Variants in LRRC4C observed in about 807,000 individuals in gnomAD.
The protein encoded by LRRC4C is leucine-rich repeat-containing protein 4C.
In LRRC4C, 5 loss-of-function variants were observed where a neutral mutation model predicts 33.6. That is an observed-to-expected ratio of 0.15 (90% CI 0.08 to 0.31). The LOEUF (loss-of-function observed/expected upper bound fraction) is 0.31. Among genes scored for constraint, LRRC4C ranks in the 10% least tolerant of loss-of-function variants. The pLI is 1.00. For synonymous variants in LRRC4C, 329 were observed against 302.0 expected, an observed-to-expected ratio of 1.09 and a Z score of -0.93; for missense variants, 560 against 796.7, an observed-to-expected ratio of 0.70 and a Z score of 3.58.
intron 5 of LRRC4C, among the ~76,000 whole-genome samples, chr11:40,210,333 C>T (rs1334520890): frequency 6.6e-6 from 1 of 152,024 alleles, no homozygotes; most frequent in Non-Finnish European, 1.5e-5. Flanking sequence ...GCTTTCTGGG[C>T]TTGTCTCAAA....
In LRRC4C at chr11:41,155,935, T is replaced by A. The variant is rs540833528; in HGVS notation, c.-495-222212A>T. 3.9e-5 allele frequency among the ~76,000 whole-genome samples: 6 copies of A among 152,212 alleles called. No homozygotes were observed. The East Asian group carries it at 1.2e-3, about 29-fold the overall frequency. On this transcript the variant is annotated intron_variant, in intron 1 of 6. Transcript: ENST00000528697. Reference sequence around the variant, plus strand: ...GAATAAGGCACCATAAATCTGGAATTAAACAAAGCCATCTTCCACGTGATG... The same window carrying A: ...GAATAAGGCACCATAAATCTGGAATAAAACAAAGCCATCTTCCACGTGATG...
chr11:41,231,035 A>G (rs12272378), intron 1 of LRRC4C, among the ~76,000 whole-genome samples: 5,427 of 152,288 alleles, frequency 0.036, 140 homozygotes, highest in African/African-American at 0.063. Context: ...GCTGGCCATC[A>G]GAGAAATGCA....
At chr11:41,383,458 T>C (rs1375798081) in intron 1 of LRRC4C, among the ~76,000 whole-genome samples, 1 of 152,084 alleles carries the variant, frequency 6.6e-6, no homozygotes, top group Non-Finnish European at 1.5e-5. Flanking sequence ...AGAATTAAAA[T>C]ATTGTATGTA....
intron 5 of LRRC4C, among the ~76,000 whole-genome samples, chr11:40,187,061 C>T (rs919027430): frequency 4.6e-5 from 7 of 152,062 alleles, no homozygotes; most frequent in Admixed American, 6.5e-5. Context: ...GGAGCCGCGG[C>T]GACTGCCTGG....
At chr11:40,829,112 A>G (rs889862773) in intron 2 of LRRC4C, among the ~76,000 whole-genome samples, 19 of 152,002 alleles carry the variant, frequency 1.2e-4, no homozygotes, top group Non-Finnish European at 5.9e-5. Flanking sequence ...GGAAATGATT[A>G]TATCATCATA....
chr11:40,297,736 C>T (rs573129205), intron 4 of LRRC4C, among the ~76,000 whole-genome samples: 2 of 152,178 alleles, frequency 1.3e-5, no homozygotes, highest in Admixed American at 6.5e-5. Context: ...GAGTGCCAAG[C>T]CTGTCTCTAT....
At chr11:41,069,193 G>GTA (rs1938495451) in intron 1 of LRRC4C, among the ~76,000 whole-genome samples, 1 of 152,096 alleles carries the variant, frequency 6.6e-6, no homozygotes, top group Non-Finnish European at 1.5e-5. Flanking sequence ...AATAGAGACA[G>GTA]AAAAGGCCTT....
chr11:40,379,912 G>A (rs990805368), intron 3 of LRRC4C, among the ~76,000 whole-genome samples: 1 of 152,112 alleles, frequency 6.6e-6, no homozygotes, highest in African/African-American at 2.4e-5. Flanking sequence ...GAATCTCTGG[G>A]GGCAGAGCTG....
intron 3 of LRRC4C, among the ~76,000 whole-genome samples, chr11:40,404,631 G>C (rs1308418213): frequency 6.6e-6 from 1 of 151,854 alleles, no homozygotes; most frequent in East Asian, 1.9e-4. Context: ...CCTCCCATCT[G>C]GTAGCCCTGT....
intron 3 of LRRC4C, among the ~76,000 whole-genome samples, chr11:40,633,399 T>TCTTTCTTTC (rs1963682731): frequency 7.7e-5 from 5 of 64,634 alleles, no homozygotes; most frequent in Admixed American, 4.4e-4. Context: ...TTCTTTCTTT[T>TCTTTCTTTC]TTTTTTTTTG....
At chr11:40,235,724 C>T (rs1275745640) in intron 5 of LRRC4C, among the ~76,000 whole-genome samples, 5 of 152,128 alleles carry the variant, frequency 3.3e-5, no homozygotes, top group African/African-American at 1.2e-4. Flanking sequence ...TAGCTCTTTA[C>T]CAATTATCTT....
At chr11:41,236,157 C>A (rs982754020) in intron 1 of LRRC4C, among the ~76,000 whole-genome samples, 1 of 152,026 alleles carries the variant, frequency 6.6e-6, no homozygotes, top group African/African-American at 2.4e-5. Flanking sequence ...CTGAAACAGG[C>A]CAATTAGCGC....
At chr11:41,257,092 T>C (rs913148937) in intron 1 of LRRC4C, among the ~76,000 whole-genome samples, 2 of 151,936 alleles carry the variant, frequency 1.3e-5, no homozygotes, top group Non-Finnish European at 2.9e-5. Flanking sequence ...CCCATGAGTG[T>C]TCAGGGTTTG....
chr11:41,145,201 A>C (rs1943675235), intron 1 of LRRC4C, among the ~76,000 whole-genome samples: 2 of 152,178 alleles, frequency 1.3e-5, no homozygotes, highest in African/African-American at 4.8e-5. Flanking sequence ...AGATTTGCAC[A>C]AACTTATACA....
intron 1 of LRRC4C, among the ~76,000 whole-genome samples, chr11:40,945,343 C>T (rs546451330): frequency 4.6e-5 from 7 of 152,122 alleles, no homozygotes; most frequent in South Asian, 4.2e-4. Flanking sequence ...TTTCTTCTCT[C>T]CTGGCCAAAC....
At chr11:40,484,078 G>A (rs75131240) in intron 3 of LRRC4C, among the ~76,000 whole-genome samples, 2,961 of 152,148 alleles carry the variant, frequency 0.019, 40 homozygotes, top group South Asian at 0.034. Flanking sequence ...CAGCTGGAAA[G>A]GCTGGAGAGA....
intron 4 of LRRC4C, among the ~76,000 whole-genome samples, chr11:40,260,571 A>T (rs1867629756): frequency 6.6e-6 from 1 of 152,124 alleles, no homozygotes; most frequent in African/African-American, 2.4e-5. Context: ...ATTAAAAAAA[A>T]TACCCATCCC....
At chr11:41,454,300 T>A (rs531288825) in intron 1 of LRRC4C, among the ~76,000 whole-genome samples, 2 of 152,222 alleles carry the variant, frequency 1.3e-5, no homozygotes, top group South Asian at 4.1e-4. Flanking sequence ...CAGCCCCACA[T>A]AGGTCAGATT....
intron 1 of LRRC4C, among the ~76,000 whole-genome samples, chr11:41,050,160 T>A (rs1443980002): frequency 2.6e-5 from 4 of 152,182 alleles, no homozygotes; most frequent in Admixed American, 2.6e-4. Flanking sequence ...CACTCAGAAC[T>A]AATTTTGAAT....
Sources: allele counts gnomAD v4.1 joint callset (sites outside exome capture counted in the v4.1 genomes callset), GRCh38; gene constraint gnomAD v4.1.1; transcripts MANE v1.5; gene names NCBI Gene and HGNC (gene_info 2026-07-23, HGNC 2026-07-21).